The following PDCD2L variants were observed in gnomAD, a reference collection of about 807,000 sequenced individuals.
PDCD2L encodes the protein uS5 assembly chaperone PDCD2L.
PDCD2L carries 44 observed loss-of-function variants against 40.4 expected under a neutral mutation model. The observed-to-expected ratio is 1.09, with a 90% confidence interval of 0.86 to 1.40. The LOEUF (loss-of-function observed/expected upper bound fraction) is 1.40. Among genes scored for constraint, PDCD2L ranks in the 40% most tolerant of loss-of-function variants. PDCD2L has a pLI of 0.00. For missense variants in PDCD2L, 470 were observed against 453.7 expected (o/e 1.04, Z -0.33); for synonymous variants, 194 against 174.6 (o/e 1.11, Z -0.88).
rs1013246391 is a variant in PDCD2L at position 34,404,423 on chromosome 19, C to G, written c.-8C>G. ...TAGTTTGCGTTTTCACCTGGTCGCC[C>G]GGCGGCCATGGCGGCCGTTCTGAAG... On this transcript the variant is annotated 5_prime_UTR_variant, in exon 1 of 7. Coordinates refer to ENST00000246535, the MANE Select transcript of PDCD2L (RefSeq NM_032346.2). 1.3e-6 allele frequency: 2 copies of G among 1,540,098 alleles called. No individual in the cohort carries two copies. The highest frequency in any genetic ancestry group is 1.2e-5 in the South Asian group (1 of 83,524).
At chr19:34,424,745 AT>A (rs34350684) in intron 6 of PDCD2L, among the ~76,000 whole-genome samples, 3,360 of 130,670 alleles carry the variant, frequency 0.026, 62 homozygotes, top group South Asian at 0.1. Context: ...CCATTTTTTC[AT>A]TTTTTTTTTT....
At chr19:34,407,543 A>G (rs1397317942) in intron 3 of PDCD2L, among the ~76,000 whole-genome samples, 1 of 151,874 alleles carries the variant, frequency 6.6e-6, no homozygotes, top group African/African-American at 2.4e-5. Context: ...TGTCTGGCTT[A>G]TTTCCCTTAG....
intron 4 of PDCD2L, among the ~76,000 whole-genome samples, chr19:34,413,333 T>C (rs2075112787): frequency 6.9e-6 from 1 of 144,882 alleles, no homozygotes; most frequent in Non-Finnish European, 1.5e-5. Flanking sequence ...ATTGATTTTT[T>C]TTTTTTTTTT....
At chr19:34,405,629 G>A (rs1366900501) in intron 3 of PDCD2L, among the ~76,000 whole-genome samples, 1 of 151,308 alleles carries the variant, frequency 6.6e-6, no homozygotes, top group Admixed American at 6.6e-5. Flanking sequence ...GGCTGGGCGC[G>A]GTGGCTTACG....
chr19:34,423,867 G>C (rs2075164316), intron 6 of PDCD2L, among the ~76,000 whole-genome samples: 1 of 152,176 alleles, frequency 6.6e-6, no homozygotes, highest in Non-Finnish European at 1.5e-5. Flanking sequence ...ACCACTCTTA[G>C]AGTGAGCTTT....
intron 6 of PDCD2L, chr19:34,422,038 G>A (rs1459431186): frequency 1.3e-5 from 2 of 149,512 alleles, no homozygotes; most frequent in African/African-American, 5.1e-5. Flanking sequence ...AGTGAGCCAA[G>A]ATCGCACCAC....
intron 4 of PDCD2L, among the ~76,000 whole-genome samples, chr19:34,410,392 T>G (rs182069281): frequency 4.2e-4 from 64 of 152,070 alleles, no homozygotes; most frequent in African/African-American, 1.4e-3. Context: ...GCTGGGATTA[T>G]AGCCATGTGC....
At chr19:34,411,963 C>CATATACAT (rs1555724501) in intron 4 of PDCD2L, among the ~76,000 whole-genome samples, 2 of 137,672 alleles carry the variant, frequency 1.5e-5, no homozygotes, top group Non-Finnish European at 3.1e-5. Flanking sequence ...ATGAAAAATA[C>CATATACAT]ATATATATAT....
chr19:34,419,389 A>T (rs2145469671), intron 5 of PDCD2L, among the ~76,000 whole-genome samples: 1 of 152,236 alleles, frequency 6.6e-6, no homozygotes. Flanking sequence ...TTTTGACCTC[A>T]GGTGACCCGC....
Position 34,426,029 on chromosome 19 carries a change from G to T in PDCD2L, c.986G>T (p.Cys329Phe), listed in dbSNP as rs1815230854. Reference protein sequence around the residue: ...VEFGTILVYTCEKSCWPPNHQ... With the variant: ...VEFGTILVYTFEKSCWPPNHQ... ...TTTGGAACAATTCTAGTTTACACAT[G>T]TGAGAAGAGTTGCTGGCCCCCAAAT... The change falls in exon 7 of 7, where the codon TGT becomes TTT. Residue 329 changes from cysteine to phenylalanine, a missense_variant. By Grantham distance (205) the Cys-to-Phe change is radical (BLOSUM62 -2). Coordinates refer to ENST00000246535, the MANE Select transcript of PDCD2L (RefSeq NM_032346.2). The T allele has an allele frequency of 6.2e-7, 1 of 1,613,284 alleles. No individual in the cohort carries two copies. The highest frequency in any genetic ancestry group is 1.3e-5 in the African/African-American group (1 of 74,912).
At chr19:34,412,851 A>AC (rs2075110271) in intron 4 of PDCD2L, among the ~76,000 whole-genome samples, 1 of 150,522 alleles carries the variant, frequency 6.6e-6, no homozygotes, top group Non-Finnish European at 1.5e-5. Flanking sequence ...GGCTCACCAC[A>AC]GCCTTGCCTC....
Position 34,413,771 on chromosome 19 carries a change from A to C in PDCD2L, c.721A>C (p.Thr241Pro). The stretch of plus-strand genomic sequence containing the variant: ...TGATGGTGATGAAAAATATGAGAAG[A>C]CCATAATTAAAAGTGGAGATCAGAC... Reference protein sequence around the residue: ...PNDGDEKYEKTIIKSGDQTFY... With the variant: ...PNDGDEKYEKPIIKSGDQTFY... Residue 241 changes from threonine to proline, a missense_variant, in exon 5 of 7, where the codon ACC (threonine) becomes CCC (proline). Physicochemically the swap from Thr to Pro is conservative, Grantham distance 38. Coordinates refer to ENST00000246535, the MANE Select transcript of PDCD2L (RefSeq NM_032346.2). 2.5e-6 allele frequency: 4 copies of C among 1,604,224 alleles called. No individual in the cohort carries two copies. The highest frequency in any genetic ancestry group is 3.4e-6 in the Non-Finnish European group (4 of 1,173,114).
chr19:34,425,301 C>CTT (rs35392752), intron 6 of PDCD2L, among the ~76,000 whole-genome samples: 5 of 132,152 alleles, frequency 3.8e-5, no homozygotes, highest in South Asian at 2.4e-4. Flanking sequence ...TTTCTCTCTT[C>CTT]TTTTTTTTTT....
intron 4 of PDCD2L, among the ~76,000 whole-genome samples, chr19:34,412,913 A>AT (rs1235495333): frequency 6.6e-6 from 1 of 151,008 alleles, no homozygotes; most frequent in African/African-American, 2.4e-5. Context: ...TAATTTTTGT[A>AT]TTTTTTTGTA....
intron 5 of PDCD2L, 69 bp downstream of exon 5, chr19:34,413,916 C>T: frequency 9.6e-7 from 1 of 1,044,030 alleles, no homozygotes; most frequent in Non-Finnish European, 1.4e-6. Flanking sequence ...GTTTGGAAAA[C>T]ACAGGAAAAT....
chr19:34,406,538 A>G (rs536810538), intron 3 of PDCD2L, among the ~76,000 whole-genome samples: 1 of 151,862 alleles, frequency 6.6e-6, no homozygotes, highest in Non-Finnish European at 1.5e-5. Flanking sequence ...GCCCGCCACC[A>G]CGGCCAGCTA....
intron 4 of PDCD2L, among the ~76,000 whole-genome samples, chr19:34,410,450 CTA>C (rs2145460685): frequency 6.6e-6 from 1 of 152,162 alleles, no homozygotes; most frequent in African/African-American, 2.4e-5. Context: ...TGGGGTTTCA[CTA>C]TGTTGGTCAG....
chr19:34,417,797 G>A (rs1463162660), intron 5 of PDCD2L, among the ~76,000 whole-genome samples: 1 of 152,156 alleles, frequency 6.6e-6, no homozygotes, highest in African/African-American at 2.4e-5. Flanking sequence ...GTCCAAAATA[G>A]AGAACGCAAT....
At chr19:34,416,324 A>C (rs2075126331) in intron 5 of PDCD2L, among the ~76,000 whole-genome samples, 1 of 152,154 alleles carries the variant, frequency 6.6e-6, no homozygotes, top group South Asian at 2.1e-4. Flanking sequence ...TGGCTGAAGA[A>C]CTGGGTGTGG....
Sources: gnomAD v4.1 joint callset for allele counts (sites outside exome capture counted in the v4.1 genomes callset) on GRCh38, gnomAD v4.1.1 for gene constraint, MANE v1.5 for transcripts, NCBI Gene and HGNC (gene_info 2026-07-23, HGNC 2026-07-21) for gene names.